SLC4A4: variants seen among roughly 807,000 people sequenced by gnomAD.
The protein encoded by SLC4A4 is electrogenic sodium bicarbonate cotransporter 1.
A neutral mutation model predicts 111.5 loss-of-function variants in SLC4A4; 27 were observed. The ratio of observed to expected loss-of-function variants is 0.24; its 90% CI spans 0.18 to 0.33. The LOEUF is 0.33. SLC4A4 is among the 10% of genes least tolerant of loss of function. SLC4A4 has a pLI of 1.00. For missense variants in SLC4A4, 909 were observed against 1,315.5 expected (o/e 0.69, Z 4.78); for synonymous variants, 443 against 463.4 (o/e 0.96, Z 0.57).
Position 71,533,330 on chromosome 4 carries a change from G to C in SLC4A4, c.2281-897G>C, listed in dbSNP as rs151136261. The stretch of plus-strand genomic sequence containing the variant: ...TAAGACAAATTTTTTTCCCTGACAA[G>C]CTCACATCTGCTAATTGTAGTAAAA... On this transcript the variant is annotated intron_variant, in intron 17 of 25. Transcript: ENST00000264485. Among the ~76,000 whole-genome samples the C allele has an allele frequency of 6.2e-3, 944 of 152,182 alleles. 5 individuals are homozygous for C. Among genetic ancestry groups the C allele is most frequent in the Non-Finnish European group, 0.011 (732 of 67,984 alleles).
chr4:71,091,415 G>A (rs970447340), intron 1 of SLC4A4, among the ~76,000 whole-genome samples: 3 of 151,928 alleles, frequency 2.0e-5, no homozygotes, highest in Non-Finnish European at 4.4e-5. Flanking sequence ...ACCACGCTTG[G>A]CTAATTTTTT....
chr4:71,203,980 T>G (rs1196487770), intron 1 of SLC4A4, among the ~76,000 whole-genome samples: 5 of 152,208 alleles, frequency 3.3e-5, no homozygotes, highest in Non-Finnish European at 7.4e-5. Context: ...AGCGAAACAC[T>G]GTAAATTCCA....
chr4:71,464,798 A>T (rs954599229), intron 12 of SLC4A4, among the ~76,000 whole-genome samples: 1 of 152,030 alleles, frequency 6.6e-6, no homozygotes, highest in African/African-American at 2.4e-5. Flanking sequence ...CAATCTATGG[A>T]GAATGTTGCT....
In SLC4A4 at chr4:71,350,206, A is replaced by G. The variant is rs1729692008; in HGVS notation, c.550+134A>G. 4 of 884,976 alleles carry G rather than the reference A, an allele frequency of 4.5e-6. No homozygotes were observed. The Admixed American group carries it at 9.4e-5, about 21-fold the overall frequency. The allele number at this position is 884,976 out of a possible 1,614,324, so 54.8% of individuals were successfully genotyped here. A position where few individuals can be genotyped will look rare whatever the true frequency, so the allele number is the denominator to read the frequency against. On this transcript the variant is annotated intron_variant, in intron 5 of 25. Transcript: ENST00000264485. ...ATTTATTCTCTCTTTTTGCATTATA[A>G]CATTAGTATGATTTATTGCAAGAAA...
At chr4:71,267,733 G>T (rs1414308243) in intron 3 of SLC4A4, among the ~76,000 whole-genome samples, 1 of 143,116 alleles carries the variant, frequency 7.0e-6, no homozygotes, top group East Asian at 2.1e-4. Context: ...GGCAGAGGTT[G>T]CAGTGAGCCG....
At chr4:71,333,678 G>A (rs9993685) in intron 3 of SLC4A4, among the ~76,000 whole-genome samples, 127,827 of 152,228 alleles carry the variant, frequency 0.84, 54,838 homozygotes, top group Non-Finnish European at 0.94. Context: ...CTGGAGCCGG[G>A]AACTTTAGGA....
At chr4:71,103,140 A>G (rs1269105131) in intron 2 of SLC4A4, among the ~76,000 whole-genome samples, 2 of 151,886 alleles carry the variant, frequency 1.3e-5, no homozygotes, top group African/African-American at 2.4e-5. Flanking sequence ...GATAAAACAG[A>G]CTTTAAACCA....
intron 16 of SLC4A4, among the ~76,000 whole-genome samples, chr4:71,509,528 A>T (rs1731720102): frequency 6.6e-6 from 1 of 152,132 alleles, no homozygotes; most frequent in Non-Finnish European, 1.5e-5. Flanking sequence ...TTTTGTAAGC[A>T]ATCTGTGATT....
chr4:71,366,992 C>T lies in SLC4A4; in HGVS notation c.730+9805C>T, dbSNP rs189929687. 2.7e-3 allele frequency among the ~76,000 whole-genome samples: 408 copies of T among 152,340 alleles called. 3 individuals carry two copies. The highest frequency in any genetic ancestry group is 4.4e-3 in the Non-Finnish European group (300 of 68,036). ...TTGCTAAAACACAGGTGCCGAGTCTCTCTGGGCAGTTCCATTTTCATGCCT... is the reference window on the plus strand; with the variant it reads ...TTGCTAAAACACAGGTGCCGAGTCTTTCTGGGCAGTTCCATTTTCATGCCT... On this transcript the variant is annotated intron_variant, in intron 6 of 25. Coordinates refer to ENST00000264485, the MANE Select transcript of SLC4A4 (RefSeq NM_001098484.3).
chr4:71,273,357 T>C (rs1274216212), intron 3 of SLC4A4, among the ~76,000 whole-genome samples: 1 of 152,136 alleles, frequency 6.6e-6, no homozygotes, highest in East Asian at 1.9e-4. Context: ...TTAAAAATAA[T>C]TGGGGCAGGA....
At chr4:71,115,705 A>G (rs1364556351) in intron 2 of SLC4A4, among the ~76,000 whole-genome samples, 2 of 152,254 alleles carry the variant, frequency 1.3e-5, no homozygotes, top group African/African-American at 4.8e-5. Context: ...AGAATTCAGT[A>G]AACTGCATAT....
intron 7 of SLC4A4, among the ~76,000 whole-genome samples, chr4:71,435,577 A>G (rs868508964): frequency 4.6e-5 from 7 of 152,384 alleles, no homozygotes; most frequent in Admixed American, 6.5e-5. Flanking sequence ...ATTAAACAGA[A>G]GAGCTTCTGC....
At chr4:71,432,551 A>G (rs377563143) in intron 7 of SLC4A4, among the ~76,000 whole-genome samples, 1 of 152,104 alleles carries the variant, frequency 6.6e-6, no homozygotes. Flanking sequence ...TGAAGGATTA[A>G]TGGGAGAAAC....
Position 71,569,784 on chromosome 4 carries a change from C to G in SLC4A4, c.*2033C>G, listed in dbSNP as rs1050707310. On this transcript the variant is annotated 3_prime_UTR_variant, in exon 26 of 26. Transcript: ENST00000264485. ...ATTTTGATTACAAAAATTTTATTAT[C>G]CTGAGTTAGCTGTTACTTTTACAGT... is the stretch of plus-strand genomic sequence containing the variant. 1 of 151,580 alleles carries G rather than the reference C, an allele frequency of 6.6e-6. No individual in the cohort carries two copies. Among genetic ancestry groups the G allele is most frequent in the Non-Finnish European group, 1.5e-5 (1 of 67,752 alleles). The allele number at this position is 151,580 out of a possible 1,614,324, so 9.4% of individuals were successfully genotyped here.
rs141999915 is a variant in SLC4A4, at chr4:71,095,350, C to T, written c.-2+2558C>T. Among the ~76,000 whole-genome samples the T allele has an allele frequency of 2.2e-3, 333 of 152,290 alleles. 7 individuals are homozygous for T. In the East Asian group the frequency reaches 0.061, roughly 28 times the overall value. On this transcript the variant is annotated intron_variant, in intron 2 of 26. Coordinates refer to the SLC4A4 transcript ENST00000649996. ...CAGGGTCTGCCAAGATGTTCAGAGG[C>T]CCCAGGACAGCCAAGACAACAAATG...
intron 16 of SLC4A4, among the ~76,000 whole-genome samples, chr4:71,522,569 C>T (rs953275484): frequency 2.0e-5 from 3 of 152,232 alleles, no homozygotes; most frequent in African/African-American, 7.2e-5. Context: ...ATGAATTAGG[C>T]AAAATTATTG....
chr4:71,285,744 A>G (rs565940410), intron 3 of SLC4A4, among the ~76,000 whole-genome samples: 11 of 152,266 alleles, frequency 7.2e-5, no homozygotes, highest in African/African-American at 2.6e-4. Context: ...TTTTTTTTGA[A>G]CTTTGGCTAC....
At chr4:71,411,879 G>A (rs769436035) in intron 7 of SLC4A4, among the ~76,000 whole-genome samples, 1 of 152,192 alleles carries the variant, frequency 6.6e-6, no homozygotes, top group African/African-American at 2.4e-5. Flanking sequence ...ACTGAGGGCC[G>A]CATGAACATC....
At chr4:71,166,019 T>C (rs1744735979) in intron 2 of SLC4A4, among the ~76,000 whole-genome samples, 1 of 152,114 alleles carries the variant, frequency 6.6e-6, no homozygotes, top group Admixed American at 6.6e-5. Context: ...GAGCCTTGAG[T>C]CCAGTTGTTT....
Sources: gnomAD v4.1 joint callset for allele counts (sites outside exome capture counted in the v4.1 genomes callset) on GRCh38, gnomAD v4.1.1 for gene constraint, MANE v1.5 for transcripts, NCBI Gene and HGNC (gene_info 2026-07-23, HGNC 2026-07-21) for gene names.